The following HELZ variants were observed in gnomAD, a reference collection of about 807,000 sequenced individuals.
HELZ encodes the protein helicase with zinc finger.
A neutral mutation model predicts 218.2 loss-of-function variants in HELZ; 23 were observed. The ratio of observed to expected loss-of-function variants is 0.11; its 90% CI spans 0.08 to 0.15. HELZ has a LOEUF of 0.15. HELZ is among the 10% of genes least tolerant of loss of function. The pLI is 1.00. For synonymous variants in HELZ, 814 were observed against 829.4 expected, an observed-to-expected ratio of 0.98 and a Z score of 0.32; for missense variants, 1,813 against 2,353.7, an observed-to-expected ratio of 0.77 and a Z score of 4.75.
chr17:67,141,102 T>G (rs1274446180), intron 21 of HELZ, among the ~76,000 whole-genome samples: 1 of 152,182 alleles, frequency 6.6e-6, no homozygotes, highest in Non-Finnish European at 1.5e-5. Context: ...TGAAAGCAAG[T>G]GATACCGGAC....
intron 31 of HELZ, among the ~76,000 whole-genome samples, chr17:67,105,972 G>A (rs1471426659): frequency 6.6e-6 from 1 of 152,158 alleles, no homozygotes; most frequent in Non-Finnish European, 1.5e-5. Flanking sequence ...ATCTATAGCA[G>A]GCAACTTGTA....
Position 67,194,047 on chromosome 17 carries a change from G to A in HELZ, c.482-5C>T, listed in dbSNP as rs1181627214. 1 of 1,598,878 alleles carries A rather than the reference G, an allele frequency of 6.3e-7. No homozygotes were observed. The highest frequency in any genetic ancestry group is 1.1e-5 in the South Asian group (1 of 90,412). ...AATGCCAACCATTACAAGACCCTAGGGAGTAATTAGGATATAGTCTTATCA... is the reference window on the plus strand; with the variant it reads ...AATGCCAACCATTACAAGACCCTAGAGAGTAATTAGGATATAGTCTTATCA... On this transcript the variant is annotated splice_polypyrimidine_tract_variant and splice_region_variant and intron_variant, in intron 8 of 32. Transcript: ENST00000358691.
chr17:67,194,790 AAAAG>A (rs1476416532), intron 8 of HELZ, among the ~76,000 whole-genome samples: 1 of 152,192 alleles, frequency 6.6e-6, no homozygotes, highest in Non-Finnish European at 1.5e-5. Context: ...CCAGAAAAGG[AAAAG>A]AAAGATATTC....
intron 31 of HELZ, among the ~76,000 whole-genome samples, chr17:67,096,269 G>C (rs987351767): frequency 1.3e-5 from 2 of 152,140 alleles, no homozygotes; most frequent in Non-Finnish European, 2.9e-5. Flanking sequence ...AGGCAGCATG[G>C]ATTCAGCATC....
chr17:67,110,124 G>A (rs1313914634), intron 28 of HELZ, among the ~76,000 whole-genome samples: 1 of 152,052 alleles, frequency 6.6e-6, no homozygotes, highest in Non-Finnish European at 1.5e-5. Context: ...CTGCAGTGCA[G>A]TGGCACCATC....
chr17:67,094,465 C>G (rs147855881), intron 31 of HELZ, among the ~76,000 whole-genome samples: 102 of 151,988 alleles, frequency 6.7e-4, no homozygotes, highest in African/African-American at 2.4e-3. Context: ...GAGATACAGA[C>G]ACACCTTGGA....
intron 18 of HELZ, among the ~76,000 whole-genome samples, chr17:67,150,404 C>T (rs1311538340): frequency 1.3e-5 from 2 of 152,090 alleles, no homozygotes; most frequent in Non-Finnish European, 2.9e-5. Context: ...GCTGGGATTA[C>T]AAGCATAAGC....
Position 67,109,530 on chromosome 17 carries a change from G to A in HELZ, c.4075C>T (p.His1359Tyr). The A allele has an allele frequency of 6.2e-7, 1 of 1,614,142 alleles. No homozygotes were observed. The highest frequency in any genetic ancestry group is 2.2e-5 in the East Asian group (1 of 44,874). Residue 1359 changes from histidine (H) to tyrosine (Y), a missense_variant, in exon 29 of 33, where the codon CAC becomes TAC. Physicochemically the swap from His to Tyr is moderately conservative, Grantham distance 83. This residue lies in a region of HELZ where 938 missense variants were observed against 1,027.5 expected (regional missense o/e 0.91). Transcript: ENST00000358691. ...PHAQYAIPNR[H>Y]FHPLPQLPRP... ...GGTAGCTGGGGAAGGGGATGAAAGTGGCGATTAGGGATTGCATACTGTGCG... is the reference window on the plus strand; with the variant it reads ...GGTAGCTGGGGAAGGGGATGAAAGTAGCGATTAGGGATTGCATACTGTGCG...
intron 27 of HELZ, among the ~76,000 whole-genome samples, chr17:67,118,266 T>C (rs2037488903): frequency 6.6e-6 from 1 of 151,448 alleles, no homozygotes; most frequent in Non-Finnish European, 1.5e-5. Context: ...AAGGACAGAG[T>C]TTTCAACAAA....
intron 26 of HELZ, 89 bp downstream of exon 26, chr17:67,122,881 A>G (rs1367691508): frequency 3.2e-6 from 3 of 931,798 alleles, no homozygotes; most frequent in Admixed American, 2.4e-5. Flanking sequence ...TTAAAAAAGA[A>G]GTTGGTAGAA....
rs553545880 is a variant in HELZ at position 67,201,040 on chromosome 17, C to A, written c.429+89G>T. Reference sequence around the variant, plus strand: ...TCACAGCCTCGCCTTCTGGCTGATGCCACAATGGTTTTCCAAATTTTAATA... The same window carrying A: ...TCACAGCCTCGCCTTCTGGCTGATGACACAATGGTTTTCCAAATTTTAATA... On this transcript the variant is annotated intron_variant, in intron 7 of 32. Coordinates refer to ENST00000358691, the MANE Select transcript of HELZ (RefSeq NM_014877.4). 9.9e-5 allele frequency: 98 copies of A among 993,250 alleles called. 1 individual carries two copies. In the South Asian group the frequency reaches 1.2e-3, roughly 12 times the overall value. The allele number at this position is 993,250 out of a possible 1,614,324, so 61.5% of individuals were successfully genotyped here. A position where few individuals can be genotyped will look rare whatever the true frequency, so the allele number is the denominator to read the frequency against.
rs1212640283 is a variant in HELZ, at chr17:67,075,248, A to C, written c.*3004T>G. ...AAATCTCAAGTAGCACTGAAATTAA[A>C]AAGTGAAACAAATATTCTGGCAAGA... On this transcript the variant is annotated 3_prime_UTR_variant, in exon 33 of 33. Transcript: ENST00000358691. The C allele has an allele frequency of 6.6e-6, 1 of 152,208 alleles. No homozygotes were observed. The highest frequency in any genetic ancestry group is 1.5e-5 in the Non-Finnish European group (1 of 68,012). 9.4% of individuals were successfully genotyped at this position (152,208 alleles called of 1,614,324 possible). A position where few individuals can be genotyped will look rare whatever the true frequency, so the allele number is the denominator to read the frequency against.
intron 22 of HELZ, among the ~76,000 whole-genome samples, chr17:67,137,438 A>G (rs866917649): frequency 1.3e-5 from 2 of 152,200 alleles, no homozygotes; most frequent in South Asian, 4.1e-4. Context: ...GCTGGATATT[A>G]CCATAAAACC....
Position 67,195,495 on chromosome 17 carries a change from T to A in HELZ, c.430-25A>T, listed in dbSNP as rs761303968. Reference sequence around the variant, plus strand: ...TCTGCAATTTTCCAAATGAAAGAATTTTTTAAACAAGAATAACGTTGATGC... The same window carrying A: ...TCTGCAATTTTCCAAATGAAAGAATATTTTAAACAAGAATAACGTTGATGC... On this transcript the variant is annotated intron_variant, in intron 7 of 32. Coordinates refer to ENST00000358691, the MANE Select transcript of HELZ (RefSeq NM_014877.4). 4.8e-6 allele frequency: 7 copies of A among 1,461,100 alleles called. No homozygotes were observed. The Middle Eastern group carries it at 5.2e-4, about 108-fold the overall frequency. 90.5% of individuals were successfully genotyped at this position (1,461,100 alleles called of 1,614,324 possible). A position where few individuals can be genotyped will look rare whatever the true frequency, so the allele number is the denominator to read the frequency against.
At position 67,148,551 on chromosome 17, in the gene HELZ, G is replaced by A. The variant is rs1257142627; in HGVS notation, c.2621+18C>T. 24 of 1,602,082 alleles carry A rather than the reference G, an allele frequency of 1.5e-5. No individual in the cohort carries two copies. The highest frequency in any genetic ancestry group is 3.3e-4 in the Middle Eastern group (2 of 6,000). ...AGACCAACGAAAGTATGACACGGAG[G>A]GGGCAGTTCACACCTACTTGATGAT... On this transcript the variant is annotated intron_variant, in intron 20 of 32. Transcript: ENST00000358691.
At chr17:67,170,866 T>C (rs1313241714) in intron 13 of HELZ, among the ~76,000 whole-genome samples, 1 of 151,796 alleles carries the variant, frequency 6.6e-6, no homozygotes, top group Non-Finnish European at 1.5e-5. Context: ...ACTTATTTCA[T>C]GCTTTCTCAA....
At chr17:67,245,960 C>T (rs964244694), upstream of HELZ, 1 of 152,394 alleles carries the variant, frequency 6.6e-6, no homozygotes, top group Non-Finnish European at 1.5e-5. Flanking sequence ...GACTGTGACT[C>T]CGGGGCAGGT....
At chr17:67,203,234 T>C (rs1281959208) in intron 6 of HELZ, 85 bp downstream of exon 6, 3 of 1,383,198 alleles carry the variant, frequency 2.2e-6, no homozygotes, top group South Asian at 2.8e-5. Context: ...GAAAAAAAGA[T>C]ACACTTTTTT....
chr17:67,195,855 T>C lies in HELZ; in HGVS notation c.430-385A>G, dbSNP rs80351234. Among the ~76,000 whole-genome samples the C allele has an allele frequency of 4.0e-3, 556 of 140,210 alleles. 2 individuals are homozygous for C. Among genetic ancestry groups the C allele is most frequent in the African/African-American group, 0.012 (426 of 35,030 alleles). The allele number at this position is 140,210 out of a possible 152,430, so 92.0% of individuals were successfully genotyped here. A position where few individuals can be genotyped will look rare whatever the true frequency, so the allele number is the denominator to read the frequency against. ...TTCTTTTCCTTTTTTTTTTTTTCTT[T>C]TTTTTTTTTTTTTTGGGACAAAGTC... On this transcript the variant is annotated intron_variant, in intron 7 of 32. Transcript: ENST00000358691.
Sources: gnomAD v4.1 joint callset for allele counts (sites outside exome capture counted in the v4.1 genomes callset) on GRCh38, gnomAD v4.1.1 for gene constraint, gnomAD v4.1.1 regional missense constraint, MANE v1.5 for transcripts, NCBI Gene and HGNC (gene_info 2026-07-23, HGNC 2026-07-21) for gene names.